CDH8: variants seen among roughly 807,000 people sequenced by gnomAD.
The protein encoded by CDH8 is cadherin 8, also known as cadherin-8.
A neutral mutation model predicts 68.1 loss-of-function variants in CDH8; 17 were observed. The observed-to-expected ratio is 0.25, with a 90% confidence interval of 0.17 to 0.37. The LOEUF (loss-of-function observed/expected upper bound fraction) is 0.37, where lower values mean the gene tolerates loss of function less well. Ranked by LOEUF, CDH8 falls within the 10% of genes least tolerant of loss-of-function variation. The pLI, the probability that CDH8 is intolerant of heterozygous loss-of-function variation, is 1.00. For synonymous variants in CDH8, 372 were observed against 365.1 expected (o/e 1.02, Z -0.21); for missense variants, 763 against 999.3 (o/e 0.76, Z 3.19).
At chr16:61,777,199 G>C (rs1436077727) in intron 8 of CDH8, among the ~76,000 whole-genome samples, 1 of 152,108 alleles carries the variant, frequency 6.6e-6, no homozygotes. Flanking sequence ...CAAAGCCTGA[G>C]GGGTAAATCA....
At chr16:61,836,269 A>G (rs1962566391) in intron 4 of CDH8, among the ~76,000 whole-genome samples, 2 of 151,982 alleles carry the variant, frequency 1.3e-5, no homozygotes, top group African/African-American at 4.8e-5. Context: ...GATATGACAC[A>G]GTGGGTTGGA....
chr16:61,990,746 C>G (rs780526890), intron 2 of CDH8, among the ~76,000 whole-genome samples: 4 of 151,946 alleles, frequency 2.6e-5, no homozygotes, highest in Non-Finnish European at 5.9e-5. Context: ...ATTGCTCAAG[C>G]CCAGGAGGAT....
At chr16:61,691,736 A>G (rs1324573111) in intron 10 of CDH8, 1 of 152,100 alleles carries the variant, frequency 6.6e-6, no homozygotes, top group Non-Finnish European at 1.5e-5. Context: ...AGGTTAAAAA[A>G]AAAAAGTATA....
chr16:61,837,721 T>C (rs1197497508), intron 4 of CDH8, among the ~76,000 whole-genome samples: 1 of 151,982 alleles, frequency 6.6e-6, no homozygotes, highest in Non-Finnish European at 1.5e-5. Context: ...AAGACAAATA[T>C]GTGTGATCTG....
At chr16:61,955,059 C>T (rs1431078056) in intron 2 of CDH8, among the ~76,000 whole-genome samples, 1 of 152,122 alleles carries the variant, frequency 6.6e-6, no homozygotes, top group Non-Finnish European at 1.5e-5. Context: ...GTCCATAGAC[C>T]TACTAAATGT....
Position 61,932,935 on chromosome 16 carries a change from T to C in CDH8, c.253-31462A>G, listed in dbSNP as rs547791764. ...TGTCTATGAAGCTTCCAGGTGATAT[T>C]GAGGTTGTGATCCAGGAAGCCGTTG... On this transcript the variant is annotated intron_variant, in intron 2 of 11. Coordinates refer to ENST00000577390, the MANE Select transcript of CDH8 (RefSeq NM_001796.5). Among the ~76,000 whole-genome samples the C allele has an allele frequency of 3.3e-5, 5 of 152,214 alleles. No homozygotes were observed. The South Asian group carries it at 8.3e-4, about 25-fold the overall frequency.
chr16:62,009,990 A>G (rs1256347989), intron 2 of CDH8, among the ~76,000 whole-genome samples: 2 of 152,288 alleles, frequency 1.3e-5, no homozygotes, highest in East Asian at 3.9e-4. Flanking sequence ...GTATTAGGAG[A>G]ATAACCCCCA....
chr16:61,734,665 A>AT (rs1319591645), intron 8 of CDH8, among the ~76,000 whole-genome samples: 4 of 151,398 alleles, frequency 2.6e-5, no homozygotes, highest in African/African-American at 4.9e-5. Context: ...TCTGTCTCTC[A>AT]TTTTTTTTAA....
intron 2 of CDH8, among the ~76,000 whole-genome samples, chr16:61,975,763 T>A (rs1449045335): frequency 6.6e-6 from 1 of 152,146 alleles, no homozygotes; most frequent in East Asian, 1.9e-4. Context: ...CTTTTAAGGA[T>A]ATTCTGTTTT....
chr16:61,904,398 A>G (rs1230634484), intron 2 of CDH8, among the ~76,000 whole-genome samples: 1 of 152,120 alleles, frequency 6.6e-6, no homozygotes, highest in Non-Finnish European at 1.5e-5. Context: ...CGCCAAAGAT[A>G]TCCCAAATGC....
intron 10 of CDH8, among the ~76,000 whole-genome samples, chr16:61,673,079 T>C (rs974488765): frequency 6.6e-6 from 1 of 152,132 alleles, no homozygotes; most frequent in East Asian, 1.9e-4. Flanking sequence ...AAGACAAGAC[T>C]GTTAGTTGAA....
At chr16:61,981,331 AT>A (rs970258963) in intron 2 of CDH8, among the ~76,000 whole-genome samples, 3 of 152,128 alleles carry the variant, frequency 2.0e-5, no homozygotes, top group African/African-American at 7.2e-5. Context: ...TTGTCTAATC[AT>A]TTTTTTATCA....
chr16:61,957,029 G>A (rs1567543958), intron 2 of CDH8, among the ~76,000 whole-genome samples: 1 of 152,176 alleles, frequency 6.6e-6, no homozygotes, highest in African/African-American at 2.4e-5. Flanking sequence ...TAGATTAGGT[G>A]TTAATGTAAT....
intron 2 of CDH8, among the ~76,000 whole-genome samples, chr16:61,908,060 A>G (rs1197893280): frequency 1.3e-5 from 2 of 151,904 alleles, no homozygotes; most frequent in Non-Finnish European, 1.5e-5. Context: ...AAAAAAAAAA[A>G]AAAGAGTTAA....
At chr16:61,667,897 T>C (rs904948735) in intron 10 of CDH8, among the ~76,000 whole-genome samples, 1 of 152,036 alleles carries the variant, frequency 6.6e-6, no homozygotes. Flanking sequence ...ACAACCTAGT[T>C]CAGTGTATTT....
At chr16:61,941,401 C>T (rs1964722731) in intron 2 of CDH8, among the ~76,000 whole-genome samples, 1 of 152,160 alleles carries the variant, frequency 6.6e-6, no homozygotes, top group African/African-American at 2.4e-5. Flanking sequence ...TTGAAATACT[C>T]TCTTTTTCTT....
At chr16:61,870,571 C>T (rs2143043374) in intron 3 of CDH8, among the ~76,000 whole-genome samples, 1 of 152,252 alleles carries the variant, frequency 6.6e-6, no homozygotes, top group African/African-American at 2.4e-5. Context: ...AATGACTCTC[C>T]TTCAGAGGTA....
At chr16:61,787,741 T>C (rs1394884666) in intron 8 of CDH8, among the ~76,000 whole-genome samples, 3,022 of 140,312 alleles carry the variant, frequency 0.022, 86 homozygotes, top group African/African-American at 0.079. Flanking sequence ...CACATATACA[T>C]CATGGAATAC....
intron 10 of CDH8, among the ~76,000 whole-genome samples, chr16:61,709,631 A>T (rs1455964256): frequency 6.6e-6 from 1 of 152,080 alleles, no homozygotes; most frequent in Non-Finnish European, 1.5e-5. Flanking sequence ...GGCAATTTAG[A>T]ACAATTTTAT....
Sources: gnomAD v4.1 joint callset for allele counts (sites outside exome capture counted in the v4.1 genomes callset) on GRCh38, gnomAD v4.1.1 for gene constraint, MANE v1.5 for transcripts, NCBI Gene and HGNC (gene_info 2026-07-23, HGNC 2026-07-21) for gene names.